Variants in SAMSN1 observed in about 807,000 individuals in gnomAD.
SAMSN1 encodes SAM domain-containing protein SAMSN-1.
SAMSN1 carries 31 observed loss-of-function variants against 42.0 expected under a neutral mutation model. The ratio of observed to expected loss-of-function variants is 0.74; its 90% CI spans 0.55 to 1.00. The LOEUF is 1.00. SAMSN1 is among the 50% of genes least tolerant of loss of function. The pLI is 0.00. For synonymous variants in SAMSN1, 178 were observed against 151.9 expected (o/e 1.17, Z -1.26); for missense variants, 464 against 439.4 (o/e 1.06, Z -0.50).
At chr21:14,545,653 C>G (rs1436963668) in intron 1 of SAMSN1, among the ~76,000 whole-genome samples, 1 of 151,898 alleles carries the variant, frequency 6.6e-6, no homozygotes, top group Admixed American at 6.6e-5. Context: ...CAAAACACAG[C>G]CCGATTTTTT....
chr21:14,486,522 A>G (rs1194787764), intron 7 of SAMSN1, among the ~76,000 whole-genome samples: 1 of 152,214 alleles, frequency 6.6e-6, no homozygotes, highest in Non-Finnish European at 1.5e-5. Context: ...TTAAATGCAC[A>G]ATCCAAGTCA....
In SAMSN1 at chr21:14,614,013, A is replaced by G. The variant is rs781306542; in HGVS notation, c.198-1100T>C. ...GTTTCTTCAACAAATAAATGAAAAGACATAAATTAAGAGACCTGAACTGAA... is the reference window on the plus strand; with the variant it reads ...GTTTCTTCAACAAATAAATGAAAAGGCATAAATTAAGAGACCTGAACTGAA... On this transcript the variant is annotated intron_variant, in intron 3 of 15. Transcript: ENST00000647101. Among the ~76,000 whole-genome samples the G allele has an allele frequency of 3.0e-4, 45 of 152,146 alleles. 1 individual carries two copies. Among genetic ancestry groups the G allele is most frequent in the South Asian group, 6.2e-4 (3 of 4,828 alleles).
chr21:14,577,146 C>T (rs1295081778), intron 2 of SAMSN1, among the ~76,000 whole-genome samples: 1 of 135,500 alleles, frequency 7.4e-6, no homozygotes, highest in Admixed American at 7.7e-5. Context: ...ACCTCCACCT[C>T]CCGGGTTCAA....
intron 2 of SAMSN1, among the ~76,000 whole-genome samples, chr21:14,580,494 A>T (rs115581056): frequency 1.7e-3 from 254 of 152,322 alleles, no homozygotes; most frequent in African/African-American, 5.9e-3. Flanking sequence ...GCACGTCCTA[A>T]TTATATTACC....
At chr21:14,534,832 C>G (rs1979503246) in intron 1 of SAMSN1, among the ~76,000 whole-genome samples, 1 of 152,012 alleles carries the variant, frequency 6.6e-6, no homozygotes, top group South Asian at 2.1e-4. Context: ...GTTCAAAGTC[C>G]CCTGGTTAAG....
At chr21:14,652,490 C>T (rs965319937) in intron 1 of SAMSN1, among the ~76,000 whole-genome samples, 3 of 151,884 alleles carry the variant, frequency 2.0e-5, no homozygotes, top group Non-Finnish European at 2.9e-5. Flanking sequence ...TATTCAAATG[C>T]AGAAGAATGA....
intron 6 of SAMSN1, among the ~76,000 whole-genome samples, chr21:14,601,848 A>C (rs1469761029): frequency 6.6e-6 from 1 of 152,186 alleles, no homozygotes; most frequent in Non-Finnish European, 1.5e-5. Context: ...AATTTTTTTC[A>C]TTTATATTTC....
chr21:14,630,172 C>T (rs2123360128), intron 2 of SAMSN1, among the ~76,000 whole-genome samples: 1 of 152,260 alleles, frequency 6.6e-6, no homozygotes, highest in Middle Eastern at 3.4e-3. Context: ...TCTCCCAGGG[C>T]TGCTACTAAA....
Position 14,626,602 on chromosome 21 carries a change from G to T in SAMSN1, c.157-10586C>A, listed in dbSNP as rs1983183550. 2.6e-5 allele frequency among the ~76,000 whole-genome samples: 4 copies of T among 152,306 alleles called. No individual in the cohort carries two copies. In the South Asian group the frequency reaches 8.3e-4, roughly 32 times the overall value. ...ATACCATCTCACACCAGTTAGAATG[G>T]TGATCATTAAAAAGTCAGGAAACAA... On this transcript the variant is annotated intron_variant, in intron 2 of 15. Transcript: ENST00000647101.
chr21:14,637,925 C>A (rs1173303912), intron 2 of SAMSN1, among the ~76,000 whole-genome samples: 1 of 152,104 alleles, frequency 6.6e-6, no homozygotes, highest in African/African-American at 2.4e-5. Flanking sequence ...GGTGAGATGG[C>A]ACTGTTTGTG....
At chr21:14,611,376 A>G (rs1030264592) in intron 4 of SAMSN1, among the ~76,000 whole-genome samples, 2 of 152,238 alleles carry the variant, frequency 1.3e-5, no homozygotes, top group Admixed American at 1.3e-4. Flanking sequence ...CTTACTACAG[A>G]TAAATCATTC....
Position 14,516,982 on chromosome 21 carries a change from TC to T in SAMSN1, c.188del (p.Gly63GlufsTer8). The T allele has an allele frequency of 1.2e-6, 2 of 1,613,426 alleles. No individual in the cohort carries two copies. Among genetic ancestry groups the T allele is most frequent in the South Asian group, 2.2e-5 (2 of 90,984 alleles). On this transcript the variant is annotated frameshift_variant, in exon 3 of 8. Coordinates refer to ENST00000400566, the MANE Select transcript of SAMSN1 (RefSeq NM_022136.5). LOFTEE classifies it high-confidence loss of function. ...SGEQSKTSNN[G>X]GGLGKKMRAI... ...CTCTCATTTTTTTACCCAAACCGCC[TC>T]CATTATTTGAAGTTTTACTTTGTTC...
At chr21:14,619,503 G>A (rs567049815) in intron 2 of SAMSN1, among the ~76,000 whole-genome samples, 1 of 152,272 alleles carries the variant, frequency 6.6e-6, no homozygotes, top group South Asian at 2.1e-4. Flanking sequence ...CTAAATACTG[G>A]TGGATTTAAA....
chr21:14,490,777 T>A (rs1016188566), intron 7 of SAMSN1, among the ~76,000 whole-genome samples: 8 of 152,160 alleles, frequency 5.3e-5, no homozygotes. Context: ...TGACTTCCCC[T>A]CCTCTTGCAT....
At chr21:14,591,530 A>C (rs967411571) in intron 7 of SAMSN1, 4 of 152,196 alleles carry the variant, frequency 2.6e-5, no homozygotes, top group Non-Finnish European at 5.9e-5. Context: ...CAGTATGGTC[A>C]ATAAATACAT....
At chr21:14,493,209 C>T (rs926080087) in intron 7 of SAMSN1, among the ~76,000 whole-genome samples, 1 of 152,188 alleles carries the variant, frequency 6.6e-6, no homozygotes, top group Admixed American at 6.5e-5. Context: ...TGGCACACAA[C>T]CCACCCTTTC....
At position 14,608,840 on chromosome 21, in the gene SAMSN1, C is replaced by T. The variant is rs1368633507; in HGVS notation, c.322+642G>A. On this transcript the variant is annotated intron_variant, in intron 5 of 15. Coordinates refer to the SAMSN1 transcript ENST00000647101. ...TAGCTAAAATAATCAATTTTTTTCT[C>T]ATTCCAATAACACTTGGGGGTGAAT... is the stretch of plus-strand genomic sequence containing the variant. Among the ~76,000 whole-genome samples, 3 of 152,114 alleles carry T rather than the reference C, an allele frequency of 2.0e-5. 1 individual carries two copies. Among genetic ancestry groups the T allele is most frequent in the Non-Finnish European group, 4.4e-5 (3 of 68,018 alleles).
chr21:14,648,915 A>G lies in SAMSN1; in HGVS notation c.25-5782T>C, dbSNP rs1467815770. Among the ~76,000 whole-genome samples the G allele has an allele frequency of 3.3e-5, 5 of 151,618 alleles. 1 individual carries two copies. Among genetic ancestry groups the G allele is most frequent in the Non-Finnish European group, 7.4e-5 (5 of 67,802 alleles). Reference sequence around the variant, plus strand: ...TACCATTTGACCCAGCCATCCCATTACTGGGTATATACCCAAAGGACTATA... The same window carrying G: ...TACCATTTGACCCAGCCATCCCATTGCTGGGTATATACCCAAAGGACTATA... On this transcript the variant is annotated intron_variant, in intron 1 of 15. Coordinates refer to the SAMSN1 transcript ENST00000647101.
At chr21:14,651,565 C>A (rs150652553) in intron 1 of SAMSN1, among the ~76,000 whole-genome samples, 55 of 152,076 alleles carry the variant, frequency 3.6e-4, no homozygotes, top group African/African-American at 1.3e-3. Context: ...ATACAATAGA[C>A]CCACAGCTAG....
Sources: allele counts gnomAD v4.1 joint callset (sites outside exome capture counted in the v4.1 genomes callset), GRCh38; gene constraint gnomAD v4.1.1; transcripts MANE v1.5; gene names NCBI Gene and HGNC (gene_info 2026-07-23, HGNC 2026-07-21).